Variants in NRG1 observed in about 807,000 individuals in gnomAD.
The protein encoded by NRG1 is neuregulin 1, also known as pro-neuregulin-1, membrane-bound isoform.
Under a neutral mutation model 63.8 loss-of-function variants are expected in NRG1, and 18 were observed. The observed-to-expected ratio is 0.28, with a 90% CI of 0.19 to 0.42. The LOEUF (loss-of-function observed/expected upper bound fraction) is 0.42. NRG1 is among the 10% of genes least tolerant of loss of function. The pLI is 1.00. For missense variants in NRG1, 762 were observed against 814.7 expected (o/e 0.94, Z 0.79); for synonymous variants, 302 against 301.3 (o/e 1.00, Z -0.02).
rs1049884824 is a variant in NRG1 at position 32,447,186 on chromosome 8, AT to A, written c.38-148632del. 1.0e-2 allele frequency among the ~76,000 whole-genome samples: 1,471 copies of A among 147,600 alleles called. 22 individuals carry two copies. The highest frequency in any genetic ancestry group is 0.034 in the African/African-American group (1,382 of 40,312). On this transcript the variant is annotated intron_variant, in intron 1 of 10. Transcript: ENST00000519301. ...AGGCGCCCACCACCACACCCGGCTA[AT>A]TTTTTTTTTGTATTTTTAGTAGAGA...
chr8:31,830,542 G>A lies in NRG1; in HGVS notation c.37+191111G>A, dbSNP rs566448655. On this transcript the variant is annotated intron_variant, in intron 1 of 10. Coordinates refer to the NRG1 transcript ENST00000519301. ...ATGACAGTTTGGATCATGGAGGTAG[G>A]GTTGATTTCAGCTGAGGTTTGCTTT... 2.6e-5 allele frequency among the ~76,000 whole-genome samples: 4 copies of A among 152,198 alleles called. 1 individual carries two copies. In the South Asian group the frequency reaches 8.3e-4, roughly 32 times the overall value.
At chr8:32,644,184 A>G (rs1400239771) in intron 5 of NRG1, among the ~76,000 whole-genome samples, 1 of 152,204 alleles carries the variant, frequency 6.6e-6, no homozygotes, top group Non-Finnish European at 1.5e-5. Flanking sequence ...AACTCAACAA[A>G]GGTAGCTTTT....
intron 1 of NRG1, among the ~76,000 whole-genome samples, chr8:32,418,766 T>A (rs1816290515): frequency 6.6e-6 from 1 of 152,180 alleles, no homozygotes; most frequent in South Asian, 2.1e-4. Context: ...AGAAACAGTT[T>A]TTCGTATTAC....
intron 6 of NRG1, chr8:32,728,554 C>T (rs1822840907): frequency 3.0e-6 from 3 of 985,010 alleles, no homozygotes; most frequent in Admixed American, 1.2e-4. Context: ...ATCTATTACA[C>T]TTGGGATTGT....
At chr8:31,828,506 C>G (rs753016516) in intron 1 of NRG1, among the ~76,000 whole-genome samples, 11 of 152,066 alleles carry the variant, frequency 7.2e-5, no homozygotes, top group Non-Finnish European at 8.8e-5. Context: ...TCCAATAATC[C>G]CCCGAGGCTC....
chr8:32,510,534 C>T (rs779813754), intron 1 of NRG1, among the ~76,000 whole-genome samples: 96 of 152,138 alleles, frequency 6.3e-4, no homozygotes, highest in Non-Finnish European at 1.2e-3. Flanking sequence ...ACCCAGAAGT[C>T]GCAGGACTCT....
chr8:32,689,324 G>A (rs1225854489), intron 5 of NRG1, among the ~76,000 whole-genome samples: 1 of 151,782 alleles, frequency 6.6e-6, no homozygotes, highest in Non-Finnish European at 1.5e-5. Context: ...AGAGTTCATG[G>A]ACTCTTGTTT....
At chr8:31,945,264 T>G (rs1293175539) in intron 1 of NRG1, among the ~76,000 whole-genome samples, 1 of 152,204 alleles carries the variant, frequency 6.6e-6, no homozygotes, top group Admixed American at 6.5e-5. Flanking sequence ...TAGTATGTTC[T>G]TTTTCACTCT....
chr8:31,840,347 G>GTTTTT (rs1447146854), intron 1 of NRG1, among the ~76,000 whole-genome samples: 3 of 46,738 alleles, frequency 6.4e-5, no homozygotes, highest in African/African-American at 1.4e-4. Context: ...GCTATTCTCT[G>GTTTTT]TCTTTTTTTT....
At chr8:32,055,896 A>G (rs765850258) in intron 1 of NRG1, among the ~76,000 whole-genome samples, 6 of 152,090 alleles carry the variant, frequency 3.9e-5, no homozygotes, top group Non-Finnish European at 5.9e-5. Context: ...CTAGCAGACT[A>G]GGTAGGAGAG....
intron 5 of NRG1, among the ~76,000 whole-genome samples, chr8:32,654,231 C>T (rs1855780076): frequency 6.6e-6 from 1 of 152,138 alleles, no homozygotes; most frequent in South Asian, 2.1e-4. Flanking sequence ...ATTCAAGTAG[C>T]ATATGTTACG....
chr8:31,740,660 T>C (rs1249679265), intron 1 of NRG1, among the ~76,000 whole-genome samples: 3 of 150,588 alleles, frequency 2.0e-5, no homozygotes, highest in Non-Finnish European at 3.0e-5. Context: ...TGTATGTACC[T>C]GTGTGAGTGC....
At chr8:32,622,037 A>C (rs1848427308) in intron 5 of NRG1, among the ~76,000 whole-genome samples, 1 of 152,208 alleles carries the variant, frequency 6.6e-6, no homozygotes, top group East Asian at 1.9e-4. Flanking sequence ...TTCATGTTAC[A>C]CGTCAAAGCA....
At chr8:31,955,998 A>G (rs917321952) in intron 1 of NRG1, among the ~76,000 whole-genome samples, 3 of 149,638 alleles carry the variant, frequency 2.0e-5, no homozygotes, top group Non-Finnish European at 4.4e-5. Flanking sequence ...CCATGATCAT[A>G]GCACTCCACT....
chr8:32,536,200 C>T (rs770353324), intron 1 of NRG1, among the ~76,000 whole-genome samples: 1 of 152,128 alleles, frequency 6.6e-6, no homozygotes, highest in Non-Finnish European at 1.5e-5. Context: ...GTTGACCGGG[C>T]CGTCTCCTAA....
chr8:32,034,436 G>A (rs943056975), intron 1 of NRG1, among the ~76,000 whole-genome samples: 7 of 152,018 alleles, frequency 4.6e-5, no homozygotes, highest in Non-Finnish European at 1.0e-4. Flanking sequence ...TCTCTTCCGG[G>A]TTTGGTATCA....
chr8:31,830,360 TC>T (rs1586690415), intron 1 of NRG1, among the ~76,000 whole-genome samples: 14 of 46,050 alleles, frequency 3.0e-4, no homozygotes, highest in South Asian at 1.2e-3. Flanking sequence ...CTTCCTTCCT[TC>T]CCTCCTTCCC....
chr8:32,549,893 G>A (rs898656778), intron 1 of NRG1, among the ~76,000 whole-genome samples: 5 of 152,208 alleles, frequency 3.3e-5, no homozygotes, highest in African/African-American at 4.8e-5. Context: ...AATTGATCCA[G>A]ATGCCTTAAG....
intron 5 of NRG1, among the ~76,000 whole-genome samples, chr8:32,724,813 T>C (rs1821661567): frequency 6.6e-6 from 1 of 152,202 alleles, no homozygotes; most frequent in Admixed American, 6.5e-5. Flanking sequence ...AATCCATAAC[T>C]GTATGAGATA....
Sources: allele counts gnomAD v4.1 joint callset (sites outside exome capture counted in the v4.1 genomes callset), GRCh38; gene constraint gnomAD v4.1.1; transcripts MANE v1.5; gene names NCBI Gene and HGNC (gene_info 2026-07-23, HGNC 2026-07-21).